The following WDR5 variants were observed in gnomAD, a reference collection of about 807,000 sequenced individuals.
The protein encoded by WDR5 is WD repeat domain 5, also known as WD repeat-containing protein 5.
For missense variants in WDR5, 187 were observed against 416.9 expected (o/e 0.45, Z 4.80); for synonymous variants, 144 against 161.6 (o/e 0.89, Z 0.83).
chr9:134,147,318 C>G (rs989722582), intron 7 of WDR5, among the ~76,000 whole-genome samples: 6 of 152,166 alleles, frequency 3.9e-5, no homozygotes, highest in Non-Finnish European at 7.3e-5. Context: ...TTGGACTCCC[C>G]CTCCTGGACT....
intron 7 of WDR5, 60 bp from the exon 8 acceptor site, chr9:134,148,228 C>A: frequency 1.6e-6 from 1 of 641,506 alleles, no homozygotes; most frequent in Non-Finnish European, 2.6e-6. Flanking sequence ...AGGTAAGAAG[C>A]AGTTGTGTCC....
At chr9:134,141,295 A>G (rs943470207) in intron 3 of WDR5, among the ~76,000 whole-genome samples, 1 of 152,026 alleles carries the variant, frequency 6.6e-6, no homozygotes, top group Non-Finnish European at 1.5e-5. Context: ...CAGAAAAACA[A>G]AAGAAGAAGA....
intron 7 of WDR5, among the ~76,000 whole-genome samples, chr9:134,147,799 C>T (rs754853719): frequency 1.1e-4 from 17 of 151,906 alleles, no homozygotes; most frequent in Admixed American, 3.9e-4. Context: ...GTGGGAGGAT[C>T]GTGTGAGCTC....
intron 1 of WDR5, among the ~76,000 whole-genome samples, chr9:134,137,850 C>T (rs1588166430): frequency 6.6e-6 from 1 of 152,222 alleles, no homozygotes; most frequent in East Asian, 1.9e-4. Flanking sequence ...TCAAGTGATT[C>T]TCCTGCCTCA....
chr9:134,140,287 G>A (rs571086262), intron 2 of WDR5, among the ~76,000 whole-genome samples: 1 of 152,138 alleles, frequency 6.6e-6, no homozygotes, highest in Non-Finnish European at 1.5e-5. Flanking sequence ...AAGCCCTCCC[G>A]TAGACCTTTA....
At chr9:134,138,007 G>A (rs1455273482) in intron 1 of WDR5, among the ~76,000 whole-genome samples, 3 of 152,206 alleles carry the variant, frequency 2.0e-5, no homozygotes, top group Non-Finnish European at 2.9e-5. Flanking sequence ...CTCCCAAAGT[G>A]CTGAGATTAC....
chr9:134,142,353 G>C lies in WDR5; in HGVS notation c.375G>C (p.Leu125=). The change falls in exon 6 of 14, where the codon CTG becomes CTC. Residue 125 remains leucine (L), a synonymous_variant. Coordinates refer to ENST00000358625, the MANE Select transcript of WDR5 (RefSeq NM_017588.3). The part of the protein sequence containing the change: ...DVSSGKCLKT[L]KGHSNYVFCC... ...TATAGGGCAAGTGTCTGAAAACCCTGAAGGGACACAGTAATTATGTCTTTT... is the reference window on the plus strand; with the variant it reads ...TATAGGGCAAGTGTCTGAAAACCCTCAAGGGACACAGTAATTATGTCTTTT... 1 of 1,614,156 alleles carries C rather than the reference G, an allele frequency of 6.2e-7. No homozygotes were observed. Among genetic ancestry groups the C allele is most frequent in the Non-Finnish European group, 8.5e-7 (1 of 1,180,026 alleles).
At chr9:134,150,843 A>C (rs574864154) in intron 8 of WDR5, among the ~76,000 whole-genome samples, 13 of 150,412 alleles carry the variant, frequency 8.6e-5, no homozygotes, top group African/African-American at 3.3e-4. Context: ...TAGTGCCATC[A>C]GTGCTTGAAA....
In WDR5 at chr9:134,157,172, G is replaced by T. The variant is rs1453922253; in HGVS notation, c.904+579G>T. ...ACGAGAGCAGGGGGTTCGAGCCCTT[G>T]TGGAAATCTGGGGAGGCACTGCTTC... On this transcript the variant is annotated intron_variant, in intron 13 of 13. Coordinates refer to ENST00000358625, the MANE Select transcript of WDR5 (RefSeq NM_017588.3). The surrounding 1 kb of genome is among the most constrained non-coding windows in gnomAD (Gnocchi z 5.0). 6.6e-6 allele frequency among the ~76,000 whole-genome samples: 1 copy of T among 152,172 alleles called. No individual in the cohort carries two copies. Among genetic ancestry groups the T allele is most frequent in the African/African-American group, 2.4e-5 (1 of 41,446 alleles).
chr9:134,135,670 C>T (rs1831500801), upstream of WDR5: 1 of 152,126 alleles, frequency 6.6e-6, no homozygotes, highest in African/African-American at 2.4e-5. Flanking sequence ...CCGCTCTCAT[C>T]CGTACCAGCG....
intron 7 of WDR5, among the ~76,000 whole-genome samples, chr9:134,145,688 T>C (rs536553625): frequency 6.6e-6 from 1 of 152,350 alleles, no homozygotes; most frequent in South Asian, 2.1e-4. Flanking sequence ...CTCCCATCCC[T>C]GTCCCCTCTC....
At chr9:134,155,403 G>T (rs1302866672) in intron 11 of WDR5, 30 bp downstream of exon 11, 1 of 1,588,048 alleles carries the variant, frequency 6.3e-7, no homozygotes, top group East Asian at 2.3e-5. Flanking sequence ...GGCCCCCATG[G>T]TGCACCATCC....
Position 134,158,149 on chromosome 9 carries a change from G to A in WDR5, c.*156G>A, listed in dbSNP as rs1832836011. ...CTGAAGATGATTTGGCCGAGCGGAAGGTGTGGACCACCGGAAAGTTCTTAA... is the reference window on the plus strand; with the variant it reads ...CTGAAGATGATTTGGCCGAGCGGAAAGTGTGGACCACCGGAAAGTTCTTAA... On this transcript the variant is annotated 3_prime_UTR_variant, in exon 14 of 14. Coordinates refer to ENST00000358625, the MANE Select transcript of WDR5 (RefSeq NM_017588.3). 6.3e-6 allele frequency: 4 copies of A among 637,568 alleles called. No homozygotes were observed. The highest frequency in any genetic ancestry group is 5.9e-5 in the South Asian group (3 of 50,824). The allele number at this position is 637,568 out of a possible 1,614,324, so 39.5% of individuals were successfully genotyped here.
intron 6 of WDR5, 53 bp downstream of exon 6, chr9:134,142,475 G>A: frequency 6.2e-7 from 1 of 1,602,536 alleles, no homozygotes; most frequent in South Asian, 1.1e-5. Flanking sequence ...GATGTGGGAA[G>A]GCTGTTGAAT....
rs986657337 is a variant in WDR5, at chr9:134,147,898, G to T, written c.529-390G>T. Among the ~76,000 whole-genome samples the T allele has an allele frequency of 2.6e-5, 4 of 151,858 alleles. No homozygotes were observed. In the South Asian group the frequency reaches 8.3e-4, roughly 31 times the overall value. On this transcript the variant is annotated intron_variant, in intron 7 of 13. Transcript: ENST00000358625. ...AGGGTGGGCGCGGTGCCTCACACCT[G>T]TAATCCCGCAGTTTGGGAAGCCAAG...
At position 134,142,719 on chromosome 9, in the gene WDR5, C is replaced by T. The variant is rs370337921; in HGVS notation, c.528C>T (p.Ala176=). 3.0e-5 allele frequency: 49 copies of T among 1,614,044 alleles called. No homozygotes were observed. Among genetic ancestry groups the T allele is most frequent in the Middle Eastern group, 1.6e-4 (1 of 6,078 alleles). ...TLPAHSDPVS[A]VHFNRDGSLI... ...CAGCTCACTCGGATCCAGTCTCGGC[C>T]GTAAGTCCCTCTGACACGGATGGGG... Residue 176 remains alanine, a splice_region_variant and synonymous_variant, in exon 7 of 14, where the codon GCC becomes GCT. Coordinates refer to ENST00000358625, the MANE Select transcript of WDR5 (RefSeq NM_017588.3).
intron 7 of WDR5, among the ~76,000 whole-genome samples, chr9:134,145,966 A>G (rs986546589): frequency 5.2e-5 from 6 of 115,738 alleles, no homozygotes; most frequent in African/African-American, 2.0e-4. Context: ...TTTAATATTT[A>G]TTTATTTATT....
intron 2 of WDR5, 150 bp downstream of exon 2, chr9:134,140,108 T>C (rs1384153523): frequency 1.1e-6 from 1 of 924,714 alleles, no homozygotes; most frequent in East Asian, 2.7e-5. Context: ...TGGCGAATGC[T>C]TGTTGCCTGC....
intron 1 of WDR5, 86 bp from the exon 2 acceptor site, chr9:134,139,734 T>C (rs936072695): frequency 4.6e-6 from 4 of 869,320 alleles, no homozygotes; most frequent in Non-Finnish European, 7.1e-6. Context: ...TAGTCAAATG[T>C]TTTTCTTTTC....
Sources: gnomAD v4.1 joint callset for allele counts (sites outside exome capture counted in the v4.1 genomes callset) on GRCh38, gnomAD v4.1.1 for gene constraint, Gnocchi (gnomAD v3.1) non-coding constraint, MANE v1.5 for transcripts, NCBI Gene and HGNC (gene_info 2026-07-23, HGNC 2026-07-21) for gene names.